TMEM161A: variants seen among roughly 807,000 people sequenced by gnomAD.
TMEM161A encodes the protein adaptive response to oxidative stress protein 29.
TMEM161A carries 46 observed loss-of-function variants against 57.1 expected under a neutral mutation model. The observed-to-expected ratio is 0.81, with a 90% CI of 0.64 to 1.03. The LOEUF is 1.03. Ranked by LOEUF, TMEM161A falls within the 50% of genes least tolerant of loss-of-function variation. TMEM161A has a pLI of 0.00. For synonymous variants in TMEM161A, 288 were observed against 279.0 expected, an observed-to-expected ratio of 1.03 and a Z score of -0.32; for missense variants, 601 against 621.5, an observed-to-expected ratio of 0.97 and a Z score of 0.35.
chr19:19,119,962 G>A lies in TMEM161A; in HGVS notation c.1408C>T (p.Leu470Phe). The A allele has an allele frequency of 1.3e-6, 2 of 1,562,868 alleles. No homozygotes were observed. The highest frequency in any genetic ancestry group is 1.7e-6 in the Non-Finnish European group (2 of 1,154,670). The stretch of plus-strand genomic sequence containing the variant: ...CCTGCCAAGTGCTGGTGGAAGTAGA[G>A]GCCGAAAAGGCTGGCGAGCAGCTGG... Reference protein sequence around the residue: ...ACQLLASLFGLYFHQHLAGS With the variant: ...ACQLLASLFGFYFHQHLAGS The change falls in exon 12 of 12, where the codon CTC becomes TTC. Residue 470 changes from leucine (L) to phenylalanine (F), a missense_variant. By Grantham distance (22) the Leu-to-Phe change is conservative. Coordinates refer to ENST00000162044, the MANE Select transcript of TMEM161A (RefSeq NM_017814.3).
intron 10 of TMEM161A, 35 bp from the exon 11 acceptor site, chr19:19,120,896 G>A (rs1349272820): frequency 1.2e-6 from 2 of 1,612,150 alleles, no homozygotes; most frequent in Admixed American, 3.3e-5. Flanking sequence ...TGCAGCAGGA[G>A]GCCTTCTGGT....
chr19:19,120,203 C>G lies in TMEM161A; in HGVS notation c.1187-20G>C, dbSNP rs201028863. 3.3e-6 allele frequency: 5 copies of G among 1,520,880 alleles called. No homozygotes were observed. Among genetic ancestry groups the G allele is most frequent in the Non-Finnish European group, 4.4e-6 (5 of 1,129,872 alleles). 94.2% of individuals were successfully genotyped at this position (1,520,880 alleles called of 1,614,324 possible). ...AGCCTCCTAGGAGAAGAGGATGAAGCGAGGTATGAGTGGAAAAATGGGGGA... is the reference window on the plus strand; with the variant it reads ...AGCCTCCTAGGAGAAGAGGATGAAGGGAGGTATGAGTGGAAAAATGGGGGA... On this transcript the variant is annotated intron_variant, in intron 11 of 11. Transcript: ENST00000162044.
intron 6 of TMEM161A, among the ~76,000 whole-genome samples, chr19:19,124,064 A>G (rs1221576176): frequency 6.6e-6 from 1 of 152,200 alleles, no homozygotes; most frequent in Non-Finnish European, 1.5e-5. Context: ...CAAAAAAAAA[A>G]AAAGTAGTAT....
At position 19,131,037 on chromosome 19, in the gene TMEM161A, T is replaced by C. The variant is rs1022761692; in HGVS notation, c.444-730A>G. ...AGTTTGAGACCAGCCCTGACCAACA[T>C]GGTGAAACCCAGTCTCTACTAAAAA... is the stretch of plus-strand genomic sequence containing the variant. On this transcript the variant is annotated intron_variant, in intron 5 of 11. Transcript: ENST00000162044. Among the ~76,000 whole-genome samples, 6 of 152,120 alleles carry C rather than the reference T, an allele frequency of 3.9e-5. No homozygotes were observed. The East Asian group carries it at 9.7e-4, about 25-fold the overall frequency.
chr19:19,137,167 G>A (rs190383022), intron 1 of TMEM161A, among the ~76,000 whole-genome samples: 1 of 152,188 alleles, frequency 6.6e-6, no homozygotes, highest in East Asian at 1.9e-4. Context: ...GCCCTTCCCA[G>A]TCTCACAGTC....
Position 19,122,876 on chromosome 19 carries a change from A to C in TMEM161A, c.596-1057T>G, listed in dbSNP as rs542917548. Among the ~76,000 whole-genome samples the C allele has an allele frequency of 4.6e-5, 7 of 152,320 alleles. No homozygotes were observed. In the South Asian group the frequency reaches 1.2e-3, roughly 27 times the overall value. Reference sequence around the variant, plus strand: ...AGAGTTAACAGAAAAACAACAGTCAAGTTTAGGCCTCAAAGACTTCAGAAA... The same window carrying C: ...AGAGTTAACAGAAAAACAACAGTCACGTTTAGGCCTCAAAGACTTCAGAAA... On this transcript the variant is annotated intron_variant, in intron 6 of 11. Transcript: ENST00000162044.
chr19:19,124,535 A>G (rs2059922891), intron 6 of TMEM161A, among the ~76,000 whole-genome samples: 1 of 152,246 alleles, frequency 6.6e-6, no homozygotes, highest in South Asian at 2.1e-4. Context: ...TTAAAGATCT[A>G]TGTTTGAAAA....
rs1299642702 is a variant in TMEM161A, at chr19:19,128,308, T to C, written c.595+1848A>G. 4.7e-5 allele frequency among the ~76,000 whole-genome samples: 7 copies of C among 148,918 alleles called. No individual in the cohort carries two copies. The East Asian group carries it at 1.4e-3, about 30-fold the overall frequency. ...GTGCAGTGGCGCGATCTCAGCTCAC[T>C]GCAAGCTCCGCCTACCAGGTTCACG... On this transcript the variant is annotated intron_variant, in intron 6 of 11. Transcript: ENST00000162044.
intron 6 of TMEM161A, among the ~76,000 whole-genome samples, chr19:19,124,520 A>G (rs900424904): frequency 4.6e-5 from 7 of 152,234 alleles, no homozygotes; most frequent in Non-Finnish European, 7.3e-5. Context: ...ATAAATATGT[A>G]TTTTTTAAAG....
At chr19:19,127,668 G>A (rs537755035) in intron 6 of TMEM161A, among the ~76,000 whole-genome samples, 2 of 151,976 alleles carry the variant, frequency 1.3e-5, no homozygotes, top group African/African-American at 2.4e-5. Flanking sequence ...AGTGGCTCAC[G>A]CCTGTCATCC....
intron 2 of TMEM161A, 119 bp from the exon 3 acceptor site, chr19:19,133,329 G>A: frequency 1.2e-6 from 1 of 808,718 alleles, no homozygotes. Context: ...AACACTGGGA[G>A]GTAGGTGAGG....
At chr19:19,127,968 G>T (rs1159941999) in intron 6 of TMEM161A, among the ~76,000 whole-genome samples, 2 of 151,964 alleles carry the variant, frequency 1.3e-5, no homozygotes, top group African/African-American at 4.8e-5. Flanking sequence ...TCTAACACCT[G>T]CTACAACATG....
At chr19:19,123,343 G>T (rs76323080) in intron 6 of TMEM161A, among the ~76,000 whole-genome samples, 3,773 of 152,094 alleles carry the variant, frequency 0.025, 147 homozygotes, top group African/African-American at 0.086. Flanking sequence ...TAAATAAAAA[G>T]AAATCCATAC....
At chr19:19,136,252 T>G (rs192795028) in intron 1 of TMEM161A, among the ~76,000 whole-genome samples, 164 of 152,232 alleles carry the variant, frequency 1.1e-3, no homozygotes, top group Non-Finnish European at 1.9e-3. Flanking sequence ...TAAAGTTTAT[T>G]TAATAGTAAA....
chr19:19,133,419 T>A (rs1042027509), intron 2 of TMEM161A: 91 of 547,194 alleles, frequency 1.7e-4, no homozygotes, highest in African/African-American at 1.7e-3. Flanking sequence ...TGGATACCCC[T>A]GAATCTGCTG....
chr19:19,120,276 GA>G (rs2059902279), intron 11 of TMEM161A, 93 bp from the exon 12 acceptor site: 1 of 1,108,024 alleles, frequency 9.0e-7, no homozygotes, highest in Non-Finnish European at 1.3e-6. Context: ...CATTCCTCCA[GA>G]CACTCCCACC....
intron 6 of TMEM161A, 105 bp downstream of exon 6, chr19:19,130,051 C>G: frequency 7.3e-7 from 1 of 1,369,618 alleles, no homozygotes; most frequent in Non-Finnish European, 1.0e-6. Flanking sequence ...CAGGAGCCCA[C>G]TCCTTTGCCT....
intron 6 of TMEM161A, among the ~76,000 whole-genome samples, chr19:19,126,942 G>A (rs1462514797): frequency 6.8e-6 from 1 of 146,118 alleles, no homozygotes; most frequent in Non-Finnish European, 1.5e-5. Flanking sequence ...AGCTACTTGG[G>A]AGCCTGAGGC....
rs571160316 is a variant in TMEM161A, at chr19:19,121,900, T to G, written c.596-81A>C. The G allele has an allele frequency of 6.7e-7, 1 of 1,494,908 alleles. No homozygotes were observed. Among genetic ancestry groups the G allele is most frequent in the Non-Finnish European group, 9.2e-7 (1 of 1,092,212 alleles). 92.6% of individuals were successfully genotyped at this position (1,494,908 alleles called of 1,614,324 possible). A position where few individuals can be genotyped will look rare whatever the true frequency, so the allele number is the denominator to read the frequency against. On this transcript the variant is annotated intron_variant, in intron 6 of 11. Coordinates refer to ENST00000162044, the MANE Select transcript of TMEM161A (RefSeq NM_017814.3). The surrounding 1 kb of genome is among the most constrained non-coding windows in gnomAD (Gnocchi z 5.8). ...ACTCTGTTCCCTAACCCCCCATCCC[T>G]CAGGCATCCGTTTGCTTCCCAAGTA... is the stretch of plus-strand genomic sequence containing the variant.
Sources: gnomAD v4.1 joint callset for allele counts (sites outside exome capture counted in the v4.1 genomes callset) on GRCh38, gnomAD v4.1.1 for gene constraint, Gnocchi (gnomAD v3.1) non-coding constraint, MANE v1.5 for transcripts, NCBI Gene and HGNC (gene_info 2026-07-23, HGNC 2026-07-21) for gene names.